PURG: variants seen among roughly 807,000 people sequenced by gnomAD.
PURG encodes purine rich element binding protein G, also known as purine-rich element-binding protein gamma.
In PURG, 3 loss-of-function variants were observed where a neutral mutation model predicts 24.3. That is an observed-to-expected ratio of 0.12 (90% CI 0.06 to 0.32). The LOEUF (loss-of-function observed/expected upper bound fraction) is 0.32, where lower values mean the gene tolerates loss of function less well. Among genes scored for constraint, PURG ranks in the 10% least tolerant of loss-of-function variants. The pLI, the probability that PURG is intolerant of heterozygous loss-of-function variation, is 1.00. For synonymous variants in PURG, 180 were observed against 173.1 expected (o/e 1.04, Z -0.31); for missense variants, 371 against 439.1 (o/e 0.84, Z 1.39).
intron 1 of PURG, among the ~76,000 whole-genome samples, chr8:31,022,381 A>G (rs1016384534): frequency 6.6e-6 from 1 of 152,230 alleles, no homozygotes; most frequent in Non-Finnish European, 1.5e-5. Context: ...ATGTCATCCC[A>G]AGTCAAATCT....
In PURG at chr8:30,996,695, G is replaced by A. The variant is rs768846539; in HGVS notation, c.867C>T (p.Leu289=). 29 of 1,604,276 alleles carry A rather than the reference G, an allele frequency of 1.8e-5. No homozygotes were observed. The South Asian group carries it at 3.0e-4, about 17-fold the overall frequency. Residue 289 remains leucine, a splice_region_variant and synonymous_variant, in exon 2 of 2, where the codon CTC becomes CTT. Coordinates refer to the PURG transcript ENST00000339382. Reference sequence around the variant, plus strand: ...TCTCTCTGGATTTGGGGTAATTTGTGAGCTAAAGAAAAAATATTAATTTGA... The same window carrying A: ...TCTCTCTGGATTTGGGGTAATTTGTAAGCTAAAGAAAAAATATTAATTTGA...
intron 1 of PURG, among the ~76,000 whole-genome samples, chr8:30,999,991 C>T (rs970393938): frequency 6.6e-6 from 1 of 151,844 alleles, no homozygotes; most frequent in East Asian, 1.9e-4. Context: ...AAAAAAACCA[C>T]ACTGGTTTAA....
Position 31,032,614 on chromosome 8 carries a change from T to C in PURG, c.169A>G (p.Ile57Val). ...TPNQAGGAAE[I>V]QELASKRVDI... ...ACTCGTTTGGAGGCCAGCTCCTGGA[T>C]TTCGGCTGCGCCCCCGGCCTGATTA... Residue 57 changes from isoleucine (I) to valine (V), a missense_variant, in exon 2 of 2, where the codon ATC becomes GTC. By Grantham distance (29) the Ile-to-Val change is conservative. Coordinates refer to ENST00000523392, the MANE Select transcript of PURG (RefSeq NM_001323311.2). This position sits in a 1 kb window ranked among gnomAD's most constrained non-coding sequence, Gnocchi z 5.9. 6.2e-7 allele frequency: 1 copy of C among 1,606,422 alleles called. No homozygotes were observed. Among genetic ancestry groups the C allele is most frequent in the Non-Finnish European group, 8.5e-7 (1 of 1,175,346 alleles).
intron 1 of PURG, among the ~76,000 whole-genome samples, chr8:31,006,586 T>C (rs1810656562): frequency 6.6e-6 from 1 of 152,208 alleles, no homozygotes; most frequent in Non-Finnish European, 1.5e-5. Context: ...TTCTCTAATT[T>C]ACTTCTTTTT....
downstream of PURG, among the ~76,000 whole-genome samples, chr8:31,030,099 T>C (rs1478291719): frequency 6.6e-6 from 1 of 151,984 alleles, no homozygotes; most frequent in Non-Finnish European, 1.5e-5. Flanking sequence ...ATTTTTTTAA[T>C]TCATACCATC....
intron 1 of PURG, among the ~76,000 whole-genome samples, chr8:31,011,789 G>A (rs906912062): frequency 2.6e-5 from 4 of 152,170 alleles, no homozygotes; most frequent in Non-Finnish European, 5.9e-5. Flanking sequence ...CTAGACCCTA[G>A]CACAGAACCT....
At chr8:31,008,440 A>C (rs1352978439) in intron 1 of PURG, among the ~76,000 whole-genome samples, 1 of 152,050 alleles carries the variant, frequency 6.6e-6, no homozygotes, top group East Asian at 1.9e-4. Context: ...AGTAGCTGGG[A>C]TTACAGCTGC....
At chr8:31,024,365 C>T (rs1811053302) in intron 1 of PURG, among the ~76,000 whole-genome samples, 1 of 152,048 alleles carries the variant, frequency 6.6e-6, no homozygotes, top group Non-Finnish European at 1.5e-5. Flanking sequence ...CCTTAGCTTC[C>T]AGCACAATAC....
chr8:31,010,285 G>A (rs545782690), intron 1 of PURG, among the ~76,000 whole-genome samples: 21 of 152,246 alleles, frequency 1.4e-4, no homozygotes, highest in African/African-American at 4.8e-4. Flanking sequence ...GTGAGGAAAC[G>A]TCAAGTTCTG....
intron 1 of PURG, among the ~76,000 whole-genome samples, chr8:31,002,994 AGATATATCCTTGAGGCTT>A (rs1810569097): frequency 6.6e-6 from 1 of 152,220 alleles, no homozygotes; most frequent in South Asian, 2.1e-4. Context: ...AATCTTGAGA[AGATATATCCTTGAGGCTT>A]AGTATGACAG....
chr8:31,029,938 T>C (rs775128390), downstream of PURG, among the ~76,000 whole-genome samples: 2 of 151,988 alleles, frequency 1.3e-5, no homozygotes, highest in East Asian at 1.9e-4. Flanking sequence ...AGTTGTTCCA[T>C]AGTGATCCAG....
intron 1 of PURG, among the ~76,000 whole-genome samples, chr8:30,998,318 G>A (rs1004900265): frequency 4.0e-5 from 6 of 151,704 alleles, no homozygotes; most frequent in East Asian, 1.9e-4. Flanking sequence ...TATACCATAA[G>A]AGGCTTCAGA....
At position 31,031,677 on chromosome 8, in the gene PURG, T is replaced by A; in HGVS notation, c.*62A>T. 1 of 1,439,044 alleles carries A rather than the reference T, an allele frequency of 6.9e-7. No homozygotes were observed. The highest frequency in any genetic ancestry group is 9.2e-7 in the Non-Finnish European group (1 of 1,081,586). 89.1% of individuals were successfully genotyped at this position (1,439,044 alleles called of 1,614,324 possible). On this transcript the variant is annotated 3_prime_UTR_variant, in exon 2 of 2. Coordinates refer to ENST00000523392, the MANE Select transcript of PURG (RefSeq NM_001323311.2). Reference sequence around the variant, plus strand: ...GAGGAAAAACTTCTTCAAAGGATAATGGATCAGTACTTTTAGCCAATTTGT... The same window carrying A: ...GAGGAAAAACTTCTTCAAAGGATAAAGGATCAGTACTTTTAGCCAATTTGT...
Position 31,010,221 on chromosome 8 carries a change from C to A in PURG, c.865-13524G>T, listed in dbSNP as rs186722456. ...ATCTTAAATCCTCTAAACGATATCA[C>A]TTTTAGAGGGCTATTCTGCAAAGCA... On this transcript the variant is annotated intron_variant, in intron 1 of 1. Transcript: ENST00000339382. Among the ~76,000 whole-genome samples, 312 of 152,340 alleles carry A rather than the reference C, an allele frequency of 2.0e-3. 2 individuals are homozygous for A. The highest frequency in any genetic ancestry group is 5.6e-3 in the Admixed American group (85 of 15,300).
chr8:31,003,007 A>G (rs1405099389), intron 1 of PURG, among the ~76,000 whole-genome samples: 1 of 152,218 alleles, frequency 6.6e-6, no homozygotes, highest in Non-Finnish European at 1.5e-5. Flanking sequence ...TATATCCTTG[A>G]GGCTTAGTAT....
intron 1 of PURG, among the ~76,000 whole-genome samples, chr8:31,013,698 C>T (rs1810804929): frequency 6.6e-6 from 1 of 152,206 alleles, no homozygotes; most frequent in African/African-American, 2.4e-5. Flanking sequence ...GGTCGCGCCA[C>T]TGCACTCCAG....
chr8:31,016,577 GAACCAAAAAAAA>G lies in PURG; in HGVS notation c.864+15330_864+15341del, dbSNP rs1455101610. Among the ~76,000 whole-genome samples, 178 of 37,334 alleles carry G rather than the reference GAACCAAAAAAAA, an allele frequency of 4.8e-3. 5 individuals are homozygous for G. The highest frequency in any genetic ancestry group is 0.062 in the Middle Eastern group (2 of 32). The allele number at this position is 37,334 out of a possible 152,430, so 24.5% of individuals were successfully genotyped here. On this transcript the variant is annotated intron_variant, in intron 1 of 1. Coordinates refer to the PURG transcript ENST00000339382. ...GGAAGAAAGAATGCAAGTCTACCAA[GAACCAAAAAAAA>G]AAAAAAAAAAAAAAAAAAAAGAAAG... is the stretch of plus-strand genomic sequence containing the variant.
chr8:31,031,334 C>A lies in PURG; in HGVS notation c.*405G>T. ...GTAACTGCCCTACAGGTAAGCTTAG[C>A]AGCTTTTAATGAAGTAGAATTGAAA... On this transcript the variant is annotated 3_prime_UTR_variant, in exon 2 of 2. Coordinates refer to ENST00000523392, the MANE Select transcript of PURG (RefSeq NM_001323311.2). 1 of 168,540 alleles carries A rather than the reference C, an allele frequency of 5.9e-6. No individual in the cohort carries two copies. Among genetic ancestry groups the A allele is most frequent in the East Asian group, 1.6e-4 (1 of 6,202 alleles). 10.4% of individuals were successfully genotyped at this position (168,540 alleles called of 1,614,324 possible).
intron 1 of PURG, among the ~76,000 whole-genome samples, chr8:31,025,623 A>C (rs1450491616): frequency 6.6e-6 from 1 of 151,150 alleles, no homozygotes; most frequent in Non-Finnish European, 1.5e-5. Flanking sequence ...AGCATCTTTC[A>C]GGACTCAAGT....
Sources: gnomAD v4.1 joint callset for allele counts (sites outside exome capture counted in the v4.1 genomes callset) on GRCh38, gnomAD v4.1.1 for gene constraint, Gnocchi (gnomAD v3.1) non-coding constraint, MANE v1.5 for transcripts, NCBI Gene and HGNC (gene_info 2026-07-23, HGNC 2026-07-21) for gene names.